PCGF3: variants seen among roughly 807,000 people sequenced by gnomAD.
PCGF3 encodes the protein polycomb group ring finger 3, also known as polycomb group RING finger protein 3.
In PCGF3, 7 loss-of-function variants were observed where a neutral mutation model predicts 33.1. The ratio of observed to expected loss-of-function variants is 0.21; its 90% CI spans 0.12 to 0.40. PCGF3 has a LOEUF of 0.40. Among genes scored for constraint, PCGF3 ranks in the 10% least tolerant of loss-of-function variants. The probability of loss-of-function intolerance (pLI) is 1.00; values close to 1 mark genes in which losing one functional copy is unlikely to be tolerated. For synonymous variants in PCGF3, 153 were observed against 121.3 expected, an observed-to-expected ratio of 1.26 and a Z score of -1.72; for missense variants, 211 against 313.3, an observed-to-expected ratio of 0.67 and a Z score of 2.46.
exon 6 of PCGF3, chr4:737,509 G>A: frequency 6.2e-7 from 1 of 1,608,454 alleles, no homozygotes; most frequent in Non-Finnish European, 8.5e-7. Flanking sequence ...ATTGGTACCA[G>A]GCCTCCAAGA....
chr4:760,150 C>T (rs1033925964), intron 8 of PCGF3, among the ~76,000 whole-genome samples: 3 of 152,360 alleles, frequency 2.0e-5, no homozygotes, highest in African/African-American at 2.4e-5. Context: ...GTGACTGCAC[C>T]GTGTCGGAGT....
At chr4:728,129 C>T (rs1055240879) in intron 1 of PCGF3, among the ~76,000 whole-genome samples, 3 of 152,210 alleles carry the variant, frequency 2.0e-5, no homozygotes, top group South Asian at 2.1e-4. Flanking sequence ...TGTCCGTGCT[C>T]GGACGTCACC....
exon 11 of PCGF3, chr4:766,222 TCA>T (rs1336350252): frequency 1.1e-5 from 7 of 649,464 alleles, no homozygotes; most frequent in African/African-American, 5.4e-5. Flanking sequence ...GAGAGAGAAT[TCA>T]CACTCAACAA....
chr4:713,232 TG>T (rs1742653855), intron 1 of PCGF3, among the ~76,000 whole-genome samples: 3 of 96,510 alleles, frequency 3.1e-5, no homozygotes, highest in Admixed American at 3.0e-4. Context: ...TTGTGGGTCC[TG>T]TGTGGCCTGG....
rs764423351 is a variant in PCGF3 at position 733,708 on chromosome 4, G to A, written c.28G>A (p.Asp10Asn). ...GTTGACCAGGAAGATCAAGCTGTGG[G>A]ACATCAACGCCCACATCACCTGCCG... Residue 10 changes from aspartate to asparagine, a missense_variant, in exon 4 of 11, where the codon GAC (aspartate) becomes AAC (asparagine). Coordinates refer to ENST00000362003, the Ensembl canonical transcript of PCGF3. 1.4e-5 allele frequency: 22 copies of A among 1,609,682 alleles called. No homozygotes were observed. The Admixed American group carries it at 2.3e-4, about 17-fold the overall frequency.
At position 749,476 on chromosome 4, in the gene PCGF3, C is replaced by CTTTT. The variant is rs71640348; in HGVS notation, c.462+4809_462+4812dup. Among the ~76,000 whole-genome samples the CTTTT allele has an allele frequency of 8.3e-3, 624 of 75,436 alleles. 21 individuals carry two copies. Among genetic ancestry groups the CTTTT allele is most frequent in the Non-Finnish European group, 0.01 (446 of 43,350 alleles). The allele number at this position is 75,436 out of a possible 152,430, so 49.5% of individuals were successfully genotyped here. On this transcript the variant is annotated intron_variant, in intron 8 of 10. Coordinates refer to ENST00000362003, the Ensembl canonical transcript of PCGF3. Reference sequence around the variant, plus strand: ...ACCATGCCCTGCTGAATTTTCTTTCCTTTTTTTTTTTTTTTTTTTTTTTTG... The same window carrying CTTTT: ...ACCATGCCCTGCTGAATTTTCTTTCCTTTTTTTTTTTTTTTTTTTTTTTTTTTTG...
In PCGF3 at chr4:729,554, T is replaced by C. The variant is rs537140110; in HGVS notation, c.-189-1076T>C. On this transcript the variant is annotated intron_variant, in intron 1 of 10. Coordinates refer to ENST00000362003, the Ensembl canonical transcript of PCGF3. ...TGTGGAAGCCCCCAGTGTTGCAGAA[T>C]ATTCCGGAAGCCTGGCTTTGAGCCT... is the stretch of plus-strand genomic sequence containing the variant. 2.0e-5 allele frequency among the ~76,000 whole-genome samples: 3 copies of C among 152,296 alleles called. No homozygotes were observed. The East Asian group carries it at 5.8e-4, about 29-fold the overall frequency.
chr4:740,511 G>A (rs895403382), intron 6 of PCGF3, among the ~76,000 whole-genome samples: 5 of 152,092 alleles, frequency 3.3e-5, no homozygotes, highest in Non-Finnish European at 7.4e-5. Context: ...CCAGGCTCCT[G>A]TCCGTTCCTG....
intron 8 of PCGF3, among the ~76,000 whole-genome samples, chr4:752,325 C>T (rs1328842749): frequency 6.6e-6 from 1 of 152,246 alleles, no homozygotes; most frequent in Non-Finnish European, 1.5e-5. Flanking sequence ...TCTTGGTTAG[C>T]CTCAGGTGAC....
At chr4:765,085 T>C (rs758850120) in intron 10 of PCGF3, 21 bp downstream of exon 10, 1 of 1,550,350 alleles carries the variant, frequency 6.5e-7, no homozygotes, top group South Asian at 1.1e-5. Flanking sequence ...TGATTTGATT[T>C]TCAGAGTCTG....
chr4:748,371 T>C (rs1371836502), intron 8 of PCGF3, among the ~76,000 whole-genome samples: 2 of 152,058 alleles, frequency 1.3e-5, no homozygotes, highest in African/African-American at 4.8e-5. Context: ...GGTTAACTTT[T>C]GTATTTTTAG....
At chr4:744,757 C>G in intron 8 of PCGF3, 69 bp downstream of exon 8, 1 of 360,582 alleles carries the variant, frequency 2.8e-6, no homozygotes, top group Non-Finnish European at 5.0e-6. Context: ...TGGGCGGGGC[C>G]CGGGGGTCGC....
chr4:718,388 G>GC (rs2109539878), intron 1 of PCGF3, among the ~76,000 whole-genome samples: 1 of 152,280 alleles, frequency 6.6e-6, no homozygotes, highest in Non-Finnish European at 1.5e-5. Context: ...ATGTCACTGA[G>GC]CTACACTCTG....
intron 8 of PCGF3, among the ~76,000 whole-genome samples, chr4:760,503 C>T (rs1387433320): frequency 6.6e-6 from 1 of 152,144 alleles, no homozygotes; most frequent in Non-Finnish European, 1.5e-5. Flanking sequence ...AATACTTGCC[C>T]GTCTGTACCC....
exon 11 of PCGF3, chr4:766,252 G>A (rs1052998822): frequency 1.5e-5 from 9 of 591,972 alleles, no homozygotes; most frequent in African/African-American, 5.6e-5. Context: ...CCAGCACCAC[G>A]TTTACAGAGG....
chr4:747,951 C>T (rs1483480867), intron 8 of PCGF3, among the ~76,000 whole-genome samples: 1 of 152,084 alleles, frequency 6.6e-6, no homozygotes, highest in Non-Finnish European at 1.5e-5. Flanking sequence ...CATGGCAGGT[C>T]AGTGGCCGGC....
chr4:737,626 G>T, intron 6 of PCGF3, 105 bp downstream of exon 6: 1 of 733,862 alleles, frequency 1.4e-6, no homozygotes, highest in Non-Finnish European at 2.4e-6. Context: ...CTTTCCTTTT[G>T]GCCGAATCAC....
intron 1 of PCGF3, among the ~76,000 whole-genome samples, chr4:714,160 C>G (rs1416204124): frequency 6.6e-6 from 1 of 152,154 alleles, no homozygotes; most frequent in Non-Finnish European, 1.5e-5. Flanking sequence ...GACTCTGACC[C>G]CACCAGCCCC....
chr4:718,861 G>A (rs73221109), intron 1 of PCGF3, among the ~76,000 whole-genome samples: 10,228 of 152,302 alleles, frequency 0.067, 451 homozygotes, highest in South Asian at 0.14. Flanking sequence ...GAGCAGGGAT[G>A]CTTACTGTCT....
Sources: allele counts gnomAD v4.1 joint callset (sites outside exome capture counted in the v4.1 genomes callset), GRCh38; gene constraint gnomAD v4.1.1; transcripts MANE v1.5; gene names NCBI Gene and HGNC (gene_info 2026-07-23, HGNC 2026-07-21).